ALDH3A1: variants seen among roughly 807,000 people sequenced by gnomAD.
ALDH3A1 encodes aldehyde dehydrogenase, dimeric NADP-preferring.
ALDH3A1 carries 46 observed loss-of-function variants against 49.9 expected under a neutral mutation model. The ratio of observed to expected loss-of-function variants is 0.92; its 90% confidence interval spans 0.73 to 1.18. ALDH3A1 has a LOEUF of 1.18. ALDH3A1 is among the 50% of genes most tolerant of loss of function. ALDH3A1 has a pLI of 0.00. For missense variants in ALDH3A1, 592 were observed against 611.8 expected, an observed-to-expected ratio of 0.97 and a Z score of 0.34; for synonymous variants, 269 against 253.3, an observed-to-expected ratio of 1.06 and a Z score of -0.59.
At chr17:19,742,995 C>A in intron 3 of ALDH3A1, 1 of 1,530,672 alleles carries the variant, frequency 6.5e-7, no homozygotes, top group East Asian at 2.5e-5. Context: ...AGCCCCCCAA[C>A]AGGGGTGGGG....
In ALDH3A1 at chr17:19,746,724, T is replaced by TGC. The variant is rs577939509; in HGVS notation, c.-6+1533_-6+1534dup. On this transcript the variant is annotated intron_variant, in intron 1 of 10. Coordinates refer to ENST00000225740, the MANE Select transcript of ALDH3A1 (RefSeq NM_000691.5). ...GCGTGTGTGTGCATGTGCGTGTGTGTGCGCGCGTGTGCGTGTGTGTGTGGG... is the reference window on the plus strand; with the variant it reads ...GCGTGTGTGTGCATGTGCGTGTGTGTGCGCGCGCGTGTGCGTGTGTGTGTGGG... Among the ~76,000 whole-genome samples, 741 of 150,984 alleles carry TGC rather than the reference T, an allele frequency of 4.9e-3. 7 individuals carry two copies. The highest frequency in any genetic ancestry group is 5.5e-3 in the Non-Finnish European group (372 of 67,650).
In ALDH3A1 at chr17:19,740,444, C is replaced by G. The variant is rs778744795; in HGVS notation, c.841G>C (p.Asp281His). 1.2e-6 allele frequency: 2 copies of G among 1,614,136 alleles called. No individual in the cohort carries two copies. Among genetic ancestry groups the G allele is most frequent in the African/African-American group, 1.3e-5 (1 of 75,034 alleles). ...CGGGCACTAATGATTCTTCCATAGT[C>G]CCGGGATTTCTTAGCATCTTCCCCG... The part of the protein sequence containing the change: ...FYGEDAKKSR[D>H]YGRIISARHF... The change falls in exon 7 of 11, where the codon GAC (aspartate) becomes CAC (histidine). Residue 281 changes from aspartate to histidine, a missense_variant. Transcript: ENST00000225740.
intron 9 of ALDH3A1, 54 bp downstream of exon 9, chr17:19,738,942 G>C (rs2086437629): frequency 6.6e-7 from 1 of 1,509,610 alleles, no homozygotes. Context: ...TGCTGGGTGA[G>C]TGTGCCCAGC....
At chr17:19,744,381 C>T (rs2086559137) in intron 2 of ALDH3A1, 13 of 958,142 alleles carry the variant, frequency 1.4e-5, no homozygotes, top group South Asian at 4.8e-5. Context: ...CCAGCCTGGG[C>T]GACAGAGCGA....
At chr17:19,739,803 C>T (rs1263160876) in intron 7 of ALDH3A1, 129 bp from the exon 8 acceptor site, 11 of 1,221,822 alleles carry the variant, frequency 9.0e-6, no homozygotes, top group South Asian at 4.6e-5. Flanking sequence ...AGGGCAGGGA[C>T]GAGGCCTCAG....
At position 19,740,388 on chromosome 17, in the gene ALDH3A1, C is replaced by T. The variant is rs199778751; in HGVS notation, c.897G>A (p.Glu299=). Residue 299 remains glutamate, a synonymous_variant, in exon 7 of 11, where the codon GAG becomes GAA. Transcript: ENST00000225740. ...RHFQRVMGLI[E]GQKVAYGGTG... The stretch of plus-strand genomic sequence containing the variant: ...TGCCCCCATAAGCCACCTTCTGGCC[C>T]TCAATCAGGCCCATCACCCTCTGGA... 1.1e-5 allele frequency: 18 copies of T among 1,614,146 alleles called. No homozygotes were observed. In the East Asian group the frequency reaches 4.0e-4, roughly 36 times the overall value.
intron 5 of ALDH3A1, 57 bp downstream of exon 5, chr17:19,741,947 T>C: frequency 5.9e-6 from 9 of 1,537,070 alleles, no homozygotes; most frequent in Non-Finnish European, 8.1e-6. Flanking sequence ...GGTGCAGTCA[T>C]GTGTGCTTGG....
intron 4 of ALDH3A1, 93 bp downstream of exon 4, chr17:19,742,452 G>A: frequency 1.4e-6 from 2 of 1,416,520 alleles, no homozygotes; most frequent in Non-Finnish European, 1.9e-6. Flanking sequence ...TTGGCCCCTT[G>A]CTGCAAGAAT....
intron 4 of ALDH3A1, 142 bp downstream of exon 4, chr17:19,742,403 G>T: frequency 9.0e-7 from 1 of 1,115,460 alleles, no homozygotes; most frequent in Admixed American, 2.3e-5. Context: ...CAATGAGAGA[G>T]GGCAGCTGCT....
At chr17:19,740,265 CACTTGCTGTGA>C in intron 7 of ALDH3A1, 60 bp downstream of exon 7, 1 of 1,587,190 alleles carries the variant, frequency 6.3e-7, no homozygotes, top group Non-Finnish European at 8.6e-7. Context: ...CATCTGTGCC[CACTTGCTGTGA>C]ACTTGCTGGG....
intron 2 of ALDH3A1, 120 bp downstream of exon 2, chr17:19,744,848 G>A: frequency 2.2e-6 from 3 of 1,356,150 alleles, no homozygotes; most frequent in South Asian, 1.6e-5. Flanking sequence ...CGCGACCGAG[G>A]GGCCAGGTGG....
chr17:19,739,669 TG>T lies in ALDH3A1; in HGVS notation c.954del (p.Thr319ProfsTer12). 1 of 1,613,464 alleles carries T rather than the reference TG, an allele frequency of 6.2e-7. No homozygotes were observed. The highest frequency in any genetic ancestry group is 8.5e-7 in the Non-Finnish European group (1 of 1,179,800). ...TGDAATRYIA[P>X]TILTDVDPQS... is the part of the protein sequence containing the mutation. Reference sequence around the variant, plus strand: ...TGGGGGTCCACGTCCGTGAGGATGGTGGGGGCTGAGGCAGGAAACAAGCCAG... The same window carrying T: ...TGGGGGTCCACGTCCGTGAGGATGGTGGGGCTGAGGCAGGAAACAAGCCAG... On this transcript the variant is annotated frameshift_variant, in exon 8 of 11. Coordinates refer to ENST00000225740, the MANE Select transcript of ALDH3A1 (RefSeq NM_000691.5). LOFTEE classifies it high-confidence loss of function.
rs536804477 is a variant in ALDH3A1 at position 19,743,244 on chromosome 17, C to T, written c.382G>A (p.Ala128Thr). 5.4e-5 allele frequency: 87 copies of T among 1,613,594 alleles called. No individual in the cohort carries two copies. Among genetic ancestry groups the T allele is most frequent in the Non-Finnish European group, 6.9e-5 (81 of 1,179,834 alleles). The change falls in exon 3 of 11, where the codon GCC (alanine) becomes ACC (threonine). Residue 128 changes from alanine to threonine, a missense_variant. Physicochemically the swap from Ala to Thr is moderately conservative, Grantham distance 58. Transcript: ENST00000225740. The surrounding 1 kb of genome is among the most constrained non-coding windows in gnomAD (Gnocchi z 4.4). The stretch of plus-strand genomic sequence containing the variant: ...CAGGGCCATGCACCTGCAGCGATGG[C>T]GCCCACCATGGGCTGGATGGTGAGG... ...FNLTIQPMVGAIAAGNSVVLK... is the reference protein window; with the variant it reads ...FNLTIQPMVGTIAAGNSVVLK...
chr17:19,747,452 G>T (rs1466290936), intron 1 of ALDH3A1, among the ~76,000 whole-genome samples: 1 of 152,200 alleles, frequency 6.6e-6, no homozygotes, highest in African/African-American at 2.4e-5. Context: ...GCCTTGTACG[G>T]TCAAACCAAG....
chr17:19,744,917 C>CCCCCCCCCCCCCCT, intron 2 of ALDH3A1, 51 bp downstream of exon 2: 1 of 1,360,564 alleles, frequency 7.3e-7, no homozygotes. Flanking sequence ...CCCCCCACGC[C>CCCCCCCCCCCCCCT]CCATCGCATG....
intron 1 of ALDH3A1, among the ~76,000 whole-genome samples, chr17:19,746,776 G>A (rs144161169): frequency 2.1e-4 from 32 of 152,252 alleles, no homozygotes; most frequent in African/African-American, 7.5e-4. Context: ...TGCAAGAAAG[G>A]ACTAGAACGG....
Position 19,739,040 on chromosome 17 carries a change from A to T in ALDH3A1, c.1172T>A (p.Val391Asp), listed in dbSNP as rs749417531. The change falls in exon 9 of 11, where the codon GTC becomes GAC. Residue 391 changes from valine to aspartate, a missense_variant. Val to Asp is a radical substitution (Grantham distance 152, BLOSUM62 -3). Transcript: ENST00000225740. ...AGAGTGCAAGGTGATGTGGACGATGACATCGTTGGCCGCCACCCCACCACT... is the reference window on the plus strand; with the variant it reads ...AGAGTGCAAGGTGATGTGGACGATGTCATCGTTGGCCGCCACCCCACCACT... ...TSSGGVAAND[V>D]IVHITLHSLP... 2.5e-6 allele frequency: 4 copies of T among 1,613,840 alleles called. No individual in the cohort carries two copies. In the Admixed American group the frequency reaches 6.7e-5, roughly 27 times the overall value.
chr17:19,744,900 AGCCC>A, intron 2 of ALDH3A1, 64 bp downstream of exon 2: 1 of 270,616 alleles, frequency 3.7e-6, no homozygotes, highest in Non-Finnish European at 5.3e-6. Flanking sequence ...CACTCTCCCC[AGCCC>A]CTCCCCCCAC....
intron 4 of ALDH3A1, among the ~76,000 whole-genome samples, 156 bp from the exon 5 acceptor site, chr17:19,742,368 C>T (rs1463815872): frequency 6.6e-6 from 1 of 152,178 alleles, no homozygotes; most frequent in East Asian, 1.9e-4. Flanking sequence ...GACCGCCTTT[C>T]CTGGCCCAGG....
Sources: gnomAD v4.1 joint callset for allele counts (sites outside exome capture counted in the v4.1 genomes callset) on GRCh38, gnomAD v4.1.1 for gene constraint, Gnocchi (gnomAD v3.1) non-coding constraint, MANE v1.5 for transcripts, NCBI Gene and HGNC (gene_info 2026-07-23, HGNC 2026-07-21) for gene names.